The following NFATC2 variants were observed in gnomAD, a reference collection of about 807,000 sequenced individuals.
NFATC2 encodes the protein nuclear factor of activated T cells 2.
In NFATC2, 22 loss-of-function variants were observed where a neutral mutation model predicts 87.3. The observed-to-expected ratio is 0.25, with a 90% CI of 0.18 to 0.36. The LOEUF (loss-of-function observed/expected upper bound fraction) is 0.36, where lower values mean the gene tolerates loss of function less well. Ranked by LOEUF, NFATC2 falls within the 10% of genes least tolerant of loss-of-function variation. The pLI is 1.00. For synonymous variants in NFATC2, 565 were observed against 542.2 expected (o/e 1.04, Z -0.58); for missense variants, 1,149 against 1,259.1 (o/e 0.91, Z 1.32).
chr20:51,517,026 A>G (rs2076362233), intron 2 of NFATC2, 71 bp from the exon 3 acceptor site: 3 of 1,449,236 alleles, frequency 2.1e-6, no homozygotes, highest in Non-Finnish European at 2.8e-6. Flanking sequence ...ATAATTGTAA[A>G]CGGCCCTTTC....
intron 5 of NFATC2, among the ~76,000 whole-genome samples, chr20:51,457,480 C>G (rs1446601507): frequency 6.6e-6 from 1 of 152,244 alleles, no homozygotes; most frequent in Non-Finnish European, 1.5e-5. Flanking sequence ...TCCTCTCTTT[C>G]CTGCGGCAGC....
chr20:51,484,867 C>G (rs1989577343), intron 3 of NFATC2, among the ~76,000 whole-genome samples: 2 of 152,210 alleles, frequency 1.3e-5, no homozygotes, highest in African/African-American at 4.8e-5. Flanking sequence ...GATGTGTCTT[C>G]AGTCCTGCAG....
rs558274812 is a variant in NFATC2, at chr20:51,532,492, A to C, written c.131-8382T>G. Among the ~76,000 whole-genome samples, 7 of 152,254 alleles carry C rather than the reference A, an allele frequency of 4.6e-5. 1 individual carries two copies. The South Asian group carries it at 1.5e-3, about 32-fold the overall frequency. On this transcript the variant is annotated intron_variant, in intron 1 of 10. Coordinates refer to ENST00000371564, the MANE Select transcript of NFATC2 (RefSeq NM_012340.5). ...CTGCCCCTGACAACTGAAGACACAG[A>C]TTCCTTTCTTCGGGAATGTTCACAG... is the stretch of plus-strand genomic sequence containing the variant.
intron 3 of NFATC2, among the ~76,000 whole-genome samples, chr20:51,485,262 C>G (rs529657584): frequency 3.9e-5 from 6 of 152,160 alleles, no homozygotes; most frequent in Non-Finnish European, 7.3e-5. Context: ...CTCATGGTCC[C>G]CCATGGGGTC....
At chr20:51,398,403 G>A (rs535439532) in intron 10 of NFATC2, among the ~76,000 whole-genome samples, 4 of 152,180 alleles carry the variant, frequency 2.6e-5, no homozygotes, top group Non-Finnish European at 5.9e-5. Flanking sequence ...TGGAATCGGG[G>A]AGCATGCAAG....
At position 51,471,299 on chromosome 20, in the gene NFATC2, G is replaced by A. The variant is rs1485030029; in HGVS notation, c.1708+2681C>T. Among the ~76,000 whole-genome samples the A allele has an allele frequency of 3.3e-5, 5 of 152,118 alleles. No homozygotes were observed. The East Asian group carries it at 9.6e-4, about 29-fold the overall frequency. ...AACATGAGTCATTTGCCAGAAAGGG[G>A]AGACCTTATCTGCTCACAATCCCCC... On this transcript the variant is annotated intron_variant, in intron 5 of 10. Transcript: ENST00000371564.
At chr20:51,424,143 G>A (rs956055332) in intron 9 of NFATC2, among the ~76,000 whole-genome samples, 1 of 152,188 alleles carries the variant, frequency 6.6e-6, no homozygotes, top group Non-Finnish European at 1.5e-5. Flanking sequence ...ACGGCTACCA[G>A]CTCAATTCAA....
chr20:51,394,641 A>G (rs200610716), intron 10 of NFATC2, among the ~76,000 whole-genome samples: 2 of 150,422 alleles, frequency 1.3e-5, no homozygotes, highest in South Asian at 2.1e-4. Flanking sequence ...GAAGTACTCA[A>G]TAACATTTAT....
chr20:51,395,675 G>C (rs1006083521), intron 10 of NFATC2, among the ~76,000 whole-genome samples: 11 of 123,452 alleles, frequency 8.9e-5, no homozygotes, highest in African/African-American at 4.2e-4. Flanking sequence ...AAAGGAAAAA[G>C]TGAACCGATC....
At chr20:51,503,546 G>A (rs2076125587) in intron 3 of NFATC2, among the ~76,000 whole-genome samples, 1 of 152,178 alleles carries the variant, frequency 6.6e-6, no homozygotes. Flanking sequence ...GGGCATCGGA[G>A]GGCCCAGGCT....
chr20:51,454,481 A>G lies in NFATC2; in HGVS notation c.1849+67T>C, dbSNP rs575143236. The stretch of plus-strand genomic sequence containing the variant: ...CTACCCCCCAAAACCAAAGTTGTAT[A>G]TAATAAAGAGATGGTCACTTTTGCA... On this transcript the variant is annotated intron_variant, in intron 6 of 10. Coordinates refer to ENST00000371564, the MANE Select transcript of NFATC2 (RefSeq NM_012340.5). 2.0e-5 allele frequency: 32 copies of G among 1,581,984 alleles called. No homozygotes were observed. The Admixed American group carries it at 3.5e-4, about 17-fold the overall frequency.
intron 6 of NFATC2, among the ~76,000 whole-genome samples, chr20:51,436,691 G>A (rs910588308): frequency 6.6e-6 from 1 of 150,778 alleles, no homozygotes; most frequent in Non-Finnish European, 1.5e-5. Context: ...CTCCAGACTG[G>A]GCGACAGAGT....
intron 3 of NFATC2, among the ~76,000 whole-genome samples, chr20:51,482,402 T>A (rs1261396241): frequency 2.0e-5 from 3 of 151,918 alleles, no homozygotes; most frequent in Non-Finnish European, 2.9e-5. Context: ...AAGAGCTCAC[T>A]CATTGCAGGA....
intron 9 of NFATC2, among the ~76,000 whole-genome samples, chr20:51,416,555 G>A (rs1568946392): frequency 6.6e-6 from 1 of 152,190 alleles, no homozygotes. Context: ...AAAAACTGGT[G>A]AGAAGATATT....
Position 51,516,874 on chromosome 20 carries a change from C to T in NFATC2, c.1242G>A (p.Val414=). Residue 414 remains valine (V), a synonymous_variant, in exon 3 of 11, where the codon GTG becomes GTA. Coordinates refer to ENST00000371564, the MANE Select transcript of NFATC2 (RefSeq NM_012340.5). ...QSGSYELRIE[V]QPKPHHRAHY... is the part of the protein sequence containing the mutation. ...GGGCCCGGTGATGTGGCTTGGGCTGCACCTCGATCCGCAGCTCGTAAGAGC... is the reference window on the plus strand; with the variant it reads ...GGGCCCGGTGATGTGGCTTGGGCTGTACCTCGATCCGCAGCTCGTAAGAGC... 1 of 1,614,210 alleles carries T rather than the reference C, an allele frequency of 6.2e-7. No homozygotes were observed. The highest frequency in any genetic ancestry group is 2.2e-5 in the East Asian group (1 of 44,894).
intron 3 of NFATC2, among the ~76,000 whole-genome samples, chr20:51,483,668 T>C (rs901287334): frequency 7.7e-6 from 1 of 129,546 alleles, no homozygotes; most frequent in Admixed American, 8.8e-5. Context: ...ACTTCGTCCA[T>C]GACTTGACTC....
intron 9 of NFATC2, among the ~76,000 whole-genome samples, chr20:51,400,860 G>T (rs920028368): frequency 2.0e-5 from 3 of 151,948 alleles, no homozygotes; most frequent in Non-Finnish European, 4.4e-5. Context: ...GCATTGGGTA[G>T]AGACCAGATG....
At position 51,523,411 on chromosome 20, in the gene NFATC2, G is replaced by C. The variant is rs762633017; in HGVS notation, c.830C>G (p.Pro277Arg). The C allele has an allele frequency of 1.9e-6, 3 of 1,608,922 alleles. No homozygotes were observed. The highest frequency in any genetic ancestry group is 2.5e-6 in the Non-Finnish European group (3 of 1,177,422). ...GGGTGCCACGTGAGATGAGGGCTGC[G>C]GCGAGGGGCTCCGGGAGCGCTGGGG... is the stretch of plus-strand genomic sequence containing the variant. ...ASPQRSRSPS[P>R]QPSSHVAPQD... Residue 277 changes from proline (P) to arginine (R), a missense_variant, in exon 2 of 11, where the codon CCG (proline) becomes CGG (arginine). Coordinates refer to ENST00000371564, the MANE Select transcript of NFATC2 (RefSeq NM_012340.5). The surrounding 1 kb of genome is among the most constrained non-coding windows in gnomAD (Gnocchi z 6.9).
At chr20:51,428,423 G>A (rs1429682518) in intron 9 of NFATC2, among the ~76,000 whole-genome samples, 1 of 152,240 alleles carries the variant, frequency 6.6e-6, no homozygotes, top group East Asian at 1.9e-4. Context: ...TTTCCAAAGA[G>A]ACTTCTTGAA....
Sources: allele counts gnomAD v4.1 joint callset (sites outside exome capture counted in the v4.1 genomes callset), GRCh38; gene constraint gnomAD v4.1.1; non-coding constraint Gnocchi (gnomAD v3.1); transcripts MANE v1.5; gene names NCBI Gene and HGNC (gene_info 2026-07-23, HGNC 2026-07-21).